The following RPRD2 variants were observed in gnomAD, a reference collection of about 807,000 sequenced individuals.
The protein encoded by RPRD2 is regulation of nuclear pre-mRNA domain-containing protein 2.
Under a neutral mutation model 104.4 loss-of-function variants are expected in RPRD2, and 12 were observed. The ratio of observed to expected loss-of-function variants is 0.11; its 90% CI spans 0.07 to 0.19. The LOEUF is 0.19. RPRD2 is among the 10% of genes least tolerant of loss of function. The pLI is 1.00. For missense variants in RPRD2, 1,543 were observed against 1,790.1 expected (o/e 0.86, Z 2.49); for synonymous variants, 714 against 684.9 (o/e 1.04, Z -0.66).
intron 7 of RPRD2, among the ~76,000 whole-genome samples, chr1:150,455,629 TAAAA>T (rs59418711): frequency 1.4e-5 from 2 of 141,188 alleles, no homozygotes; most frequent in Non-Finnish European, 3.1e-5. Context: ...GGACATTAGG[TAAAA>T]AAAAAAAAAA....
intron 1 of RPRD2, 76 bp from the exon 2 acceptor site, chr1:150,417,520 C>T (rs1664435873): frequency 1.7e-6 from 2 of 1,166,412 alleles, no homozygotes; most frequent in African/African-American, 3.1e-5. Context: ...AGTTTGAGAA[C>T]ACTGTATTTG....
At chr1:150,464,379 T>TTTTTTTTTTTTTTTTGGTGG in intron 9 of RPRD2, 148 bp from the exon 10 acceptor site, 1 of 453,360 alleles carries the variant, frequency 2.2e-6, no homozygotes, top group African/African-American at 2.3e-5. Context: ...TTTTTTTTTT[T>TTTTTTTTTTTTTTTTGGTGG]GTACATGTCA....
At chr1:150,457,031 G>A (rs12126327) in intron 7 of RPRD2, among the ~76,000 whole-genome samples, 12 of 151,040 alleles carry the variant, frequency 7.9e-5, no homozygotes, top group South Asian at 4.2e-4. Context: ...CGAGACCAGC[G>A]TGGCCAACAT....
chr1:150,377,614 CATTT>C (rs1226841637), intron 1 of RPRD2, among the ~76,000 whole-genome samples: 7 of 141,296 alleles, frequency 5.0e-5, no homozygotes, highest in African/African-American at 7.9e-5. Context: ...AAAAAAAAAA[CATTT>C]AGTAAGTAAG....
intron 1 of RPRD2, among the ~76,000 whole-genome samples, chr1:150,380,332 T>C (rs911266928): frequency 1.3e-5 from 2 of 152,164 alleles, no homozygotes; most frequent in Non-Finnish European, 2.9e-5. Context: ...GTTGACCTTA[T>C]GGTGGTTGTC....
intron 2 of RPRD2, among the ~76,000 whole-genome samples, chr1:150,432,985 G>A (rs976707255): frequency 6.6e-6 from 1 of 152,008 alleles, no homozygotes; most frequent in African/African-American, 2.4e-5. Context: ...CTCAAGGTGA[G>A]GGGGTTGGGG....
rs1659689383 is a variant in RPRD2 at position 150,364,654 on chromosome 1, T to TG, written c.-61_-60insG. 5.7e-6 allele frequency: 5 copies of TG among 883,526 alleles called. No individual in the cohort carries two copies. In the African/African-American group the frequency reaches 9.4e-5, roughly 17 times the overall value. The allele number at this position is 883,526 out of a possible 1,614,324, so 54.7% of individuals were successfully genotyped here. ...CACTCGCAGTGATTGTTTTGCCCGC[T>TG]CCCGCCGCCGCCGCCGCCGCCGCCG... On this transcript the variant is annotated 5_prime_UTR_variant, in exon 1 of 11. Coordinates refer to ENST00000369068, the MANE Select transcript of RPRD2 (RefSeq NM_015203.5).
chr1:150,438,986 C>T (rs1666216373), intron 2 of RPRD2, among the ~76,000 whole-genome samples: 1 of 152,088 alleles, frequency 6.6e-6, no homozygotes, highest in Non-Finnish European at 1.5e-5. Flanking sequence ...AGGCATGTGC[C>T]ACCGCACCCA....
At chr1:150,413,219 G>A (rs782410591) in intron 1 of RPRD2, among the ~76,000 whole-genome samples, 3 of 152,120 alleles carry the variant, frequency 2.0e-5, no homozygotes, top group African/African-American at 4.8e-5. Context: ...TTATTAATAG[G>A]TGTAGGGGGA....
rs587608030 is a variant in RPRD2 at position 150,471,895 on chromosome 1, G to A, written c.2947G>A (p.Ala983Thr). ...SLFSPQNTLAAPTGHPPTSGV... is the reference protein window; with the variant it reads ...SLFSPQNTLATPTGHPPTSGV... The stretch of plus-strand genomic sequence containing the variant: ...TTTCTCTCCGCAGAACACCCTTGCC[G>A]CTCCCACGGGTCACCCACCCACGTC... Residue 983 changes from alanine (A) to threonine (T), a missense_variant, in exon 11 of 11, where the codon GCT (alanine) becomes ACT (threonine). Around this residue, in one of 4 missense-constraint regions of RPRD2, gnomAD observed 880 missense variants for 885.6 expected, o/e 0.99. Transcript: ENST00000369068. This position sits in a 1 kb window ranked among gnomAD's most constrained non-coding sequence, Gnocchi z 5.3. 1.1e-5 allele frequency: 18 copies of A among 1,613,780 alleles called. No homozygotes were observed. Among genetic ancestry groups the A allele is most frequent in the African/African-American group, 2.7e-5 (2 of 74,944 alleles).
At chr1:150,406,297 C>T (rs1663466978) in intron 1 of RPRD2, among the ~76,000 whole-genome samples, 1 of 152,180 alleles carries the variant, frequency 6.6e-6, no homozygotes, top group Non-Finnish European at 1.5e-5. Context: ...GGTCTTAGAA[C>T]ATATACCCCC....
chr1:150,364,968 A>G, intron 1 of RPRD2, 49 bp downstream of exon 1: 1 of 1,587,160 alleles, frequency 6.3e-7, no homozygotes. Context: ...AAATGGAAGG[A>G]AGTGTGGCCT....
At chr1:150,433,856 T>C (rs1665812429) in intron 2 of RPRD2, among the ~76,000 whole-genome samples, 1 of 138,076 alleles carries the variant, frequency 7.2e-6, no homozygotes, top group African/African-American at 2.7e-5. Flanking sequence ...ATATATGTTA[T>C]ATATACATAA....
Position 150,475,870 on chromosome 1 carries a change from TA to T in RPRD2, c.*2537del, listed in dbSNP as rs1423140212. 9 of 150,430 alleles carry T rather than the reference TA, an allele frequency of 6.0e-5. No homozygotes were observed. In the East Asian group the frequency reaches 1.5e-3, roughly 26 times the overall value. The allele number at this position is 150,430 out of a possible 1,614,324, so 9.3% of individuals were successfully genotyped here. Reference sequence around the variant, plus strand: ...CCTGAGTTTAAACAAATAAACAAGATATTTTTTAAAGAAAGCATAACATAGT... The same window carrying T: ...CCTGAGTTTAAACAAATAAACAAGATTTTTTTAAAGAAAGCATAACATAGT... On this transcript the variant is annotated 3_prime_UTR_variant, in exon 11 of 11. Transcript: ENST00000369068.
intron 9 of RPRD2, among the ~76,000 whole-genome samples, chr1:150,463,009 C>T (rs1361572133): frequency 6.6e-6 from 1 of 152,152 alleles, no homozygotes; most frequent in African/African-American, 2.4e-5. Context: ...TGCACCACCA[C>T]ATCTGGCTAA....
intron 2 of RPRD2, among the ~76,000 whole-genome samples, chr1:150,424,576 G>A (rs1158809085): frequency 2.0e-5 from 3 of 152,130 alleles, no homozygotes; most frequent in Admixed American, 6.5e-5. Flanking sequence ...ATGAGCTACC[G>A]CACGCGGCCC....
At chr1:150,387,916 T>C (rs1297062476) in intron 1 of RPRD2, among the ~76,000 whole-genome samples, 1 of 135,136 alleles carries the variant, frequency 7.4e-6, no homozygotes, top group Non-Finnish European at 1.6e-5. Flanking sequence ...CTTTTCTCTT[T>C]TTTTTTTTTT....
At chr1:150,450,329 G>A (rs1022129411) in intron 7 of RPRD2, among the ~76,000 whole-genome samples, 6 of 151,862 alleles carry the variant, frequency 4.0e-5, no homozygotes, top group East Asian at 3.9e-4. Context: ...TTATTTAGCC[G>A]GGTGCGGTGG....
At position 150,364,835 on chromosome 1, in the gene RPRD2, A is replaced by G; in HGVS notation, c.121A>G (p.Ile41Val). Residue 41 changes from isoleucine to valine, a missense_variant, in exon 1 of 11, where the codon ATT (isoleucine) becomes GTT (valine). Physicochemically the swap from Ile to Val is conservative, Grantham distance 29 (BLOSUM62 3). Transcript: ENST00000369068. Reference protein sequence around the residue: ...FQSVTNTMESIQGLSSWCIEN... With the variant: ...FQSVTNTMESVQGLSSWCIEN... ...GTCGGTAACCAACACCATGGAGTCCATTCAAGGCTTGTCGTCTTGGTGTAT... is the reference window on the plus strand; with the variant it reads ...GTCGGTAACCAACACCATGGAGTCCGTTCAAGGCTTGTCGTCTTGGTGTAT... 1 of 1,613,960 alleles carries G rather than the reference A, an allele frequency of 6.2e-7. No homozygotes were observed. The highest frequency in any genetic ancestry group is 8.5e-7 in the Non-Finnish European group (1 of 1,179,820).
Sources: gnomAD v4.1 joint callset for allele counts (sites outside exome capture counted in the v4.1 genomes callset) on GRCh38, gnomAD v4.1.1 for gene constraint, gnomAD v4.1.1 regional missense constraint, Gnocchi (gnomAD v3.1) non-coding constraint, MANE v1.5 for transcripts, NCBI Gene and HGNC (gene_info 2026-07-23, HGNC 2026-07-21) for gene names.